Variants in BRI3BP observed in about 807,000 individuals in gnomAD.
The protein encoded by BRI3BP is BRI3-binding protein.
BRI3BP carries 7 observed loss-of-function variants against 15.8 expected under a neutral mutation model. That is an observed-to-expected ratio of 0.44 (90% CI 0.25 to 0.83). BRI3BP has a LOEUF of 0.83. Ranked by LOEUF, BRI3BP falls within the 40% of genes least tolerant of loss-of-function variation. BRI3BP has a pLI of 0.20. For synonymous variants in BRI3BP, 192 were observed against 163.5 expected (o/e 1.17, Z -1.33); for missense variants, 320 against 339.3 (o/e 0.94, Z 0.45).
intron 1 of BRI3BP, among the ~76,000 whole-genome samples, chr12:124,999,189 C>T (rs1439294447): frequency 6.6e-6 from 1 of 152,136 alleles, no homozygotes; most frequent in African/African-American, 2.4e-5. Flanking sequence ...TCCTGAATGC[C>T]AGGTCGAGAA....
intron 2 of BRI3BP, among the ~76,000 whole-genome samples, chr12:125,014,146 G>A (rs1259368374): frequency 1.3e-5 from 2 of 152,090 alleles, no homozygotes; most frequent in East Asian, 1.9e-4. Flanking sequence ...TTTCTCTACC[G>A]TGCCCCATGG....
chr12:125,016,159 C>T (rs1021244275), intron 2 of BRI3BP, among the ~76,000 whole-genome samples: 4 of 152,172 alleles, frequency 2.6e-5, no homozygotes, highest in Admixed American at 1.3e-4. Flanking sequence ...GGAGGCGAAA[C>T]GAGCTTGCTT....
In BRI3BP at chr12:124,994,009, C is replaced by T; in HGVS notation, c.213+6C>T. ...ACGTGCGCGCCGCTCAGAAGGTGGG[C>T]GCCGGGCCCGCGCCCGCGGTCACCT... is the stretch of plus-strand genomic sequence containing the variant. On this transcript the variant is annotated splice_donor_region_variant and intron_variant, in intron 1 of 2. Coordinates refer to ENST00000341446, the MANE Select transcript of BRI3BP (RefSeq NM_080626.6). 7.5e-7 allele frequency: 1 copy of T among 1,324,684 alleles called. No individual in the cohort carries two copies. The highest frequency in any genetic ancestry group is 9.8e-7 in the Non-Finnish European group (1 of 1,023,990). 82.1% of individuals were successfully genotyped at this position (1,324,684 alleles called of 1,614,324 possible). A position where few individuals can be genotyped will look rare whatever the true frequency, so the allele number is the denominator to read the frequency against.
At chr12:125,046,912 T>C in the BRI3BP span, among the ~76,000 whole-genome samples, 1 of 152,206 alleles carries the variant, frequency 6.6e-6, no homozygotes, top group Non-Finnish European at 1.5e-5. Flanking sequence ...AAATCACTGA[T>C]AGTTTTGAAA....
At chr12:124,997,218 T>C (rs1202990951) in intron 1 of BRI3BP, among the ~76,000 whole-genome samples, 3 of 107,532 alleles carry the variant, frequency 2.8e-5, no homozygotes, top group Admixed American at 9.2e-5. Context: ...ACTTCTCTTT[T>C]TTTTTTTTTT....
intron 1 of BRI3BP, among the ~76,000 whole-genome samples, chr12:124,997,260 G>GGCT (rs146276896): frequency 0.011 from 1,085 of 96,650 alleles, 16 homozygotes; most frequent in African/African-American, 0.037. Context: ...TCTTCTCCCA[G>GGCT]GCTGGAGTGC....
At chr12:125,032,392 A>G (rs1955412538), downstream of BRI3BP, among the ~76,000 whole-genome samples, 1 of 152,172 alleles carries the variant, frequency 6.6e-6, no homozygotes, top group Non-Finnish European at 1.5e-5. Context: ...CAGGAGGTGG[A>G]AGTTGCAGTG....
At chr12:125,034,551 A>G (rs2136005367), downstream of BRI3BP, among the ~76,000 whole-genome samples, 1 of 151,708 alleles carries the variant, frequency 6.6e-6, no homozygotes, top group African/African-American at 2.4e-5. Flanking sequence ...TCCCCAGGCA[A>G]CCTTTGAGCT....
At chr12:125,038,152 C>A in the BRI3BP span, among the ~76,000 whole-genome samples, 56 of 151,630 alleles carry the variant, frequency 3.7e-4, no homozygotes, top group Non-Finnish European at 5.6e-4. Flanking sequence ...TGGTGTGCGT[C>A]TGTGTTCCTA....
rs778249406 is a variant in BRI3BP at position 125,025,224 on chromosome 12, G to A, written c.550G>A (p.Ala184Thr). 3.7e-6 allele frequency: 6 copies of A among 1,614,024 alleles called. No individual in the cohort carries two copies. In the African/African-American group the frequency reaches 5.3e-5, roughly 14 times the overall value. Reference sequence around the variant, plus strand: ...CAAGTACGAGGGCGAGCCGGAGAACGCGGTGCTGCCGCTGTGCTTCGTGGT... The same window carrying A: ...CAAGTACGAGGGCGAGCCGGAGAACACGGTGCTGCCGCTGTGCTTCGTGGT... ...LHKYEGEPEN[A>T]VLPLCFVVAV... The change falls in exon 3 of 3, where the codon GCG becomes ACG. Residue 184 changes from alanine (A) to threonine (T), a missense_variant. Ala to Thr is a moderately conservative substitution (Grantham distance 58). Transcript: ENST00000341446.
At chr12:125,036,051 TTTTTG>T (rs1955437980), downstream of BRI3BP, among the ~76,000 whole-genome samples, 1 of 114,624 alleles carries the variant, frequency 8.7e-6, no homozygotes, top group South Asian at 3.5e-4. Flanking sequence ...TCTATAGTTT[TTTTTG>T]TTTTGTTTTT....
At chr12:125,010,896 C>G (rs1276504659) in intron 1 of BRI3BP, among the ~76,000 whole-genome samples, 1 of 152,016 alleles carries the variant, frequency 6.6e-6, no homozygotes, top group Non-Finnish European at 1.5e-5. Flanking sequence ...GAGTTCAAGA[C>G]CAGCCTGGCC....
intron 1 of BRI3BP, among the ~76,000 whole-genome samples, chr12:124,996,145 C>T (rs1308052193): frequency 6.6e-6 from 1 of 152,138 alleles, no homozygotes; most frequent in Admixed American, 6.6e-5. Flanking sequence ...AACTCCTGAC[C>T]TCAAGTGATC....
At chr12:125,023,835 G>T (rs1422819432) in intron 2 of BRI3BP, among the ~76,000 whole-genome samples, 1 of 152,210 alleles carries the variant, frequency 6.6e-6, no homozygotes, top group Non-Finnish European at 1.5e-5. Flanking sequence ...ACTTTGGGAG[G>T]CTGAGGAGGT....
intron 1 of BRI3BP, among the ~76,000 whole-genome samples, chr12:125,002,073 A>T (rs1955096507): frequency 6.6e-6 from 1 of 152,094 alleles, no homozygotes; most frequent in African/African-American, 2.4e-5. Flanking sequence ...TCAATACTTT[A>T]TTCCTCTTTA....
chr12:124,996,733 G>A (rs968240783), intron 1 of BRI3BP, among the ~76,000 whole-genome samples: 1 of 148,606 alleles, frequency 6.7e-6, no homozygotes, highest in Non-Finnish European at 1.5e-5. Flanking sequence ...AAGTTTAATG[G>A]TATTTAAAAA....
chr12:124,997,214 C>CTTTTTTTTTTTTTTTTTTTTTT lies in BRI3BP; in HGVS notation c.213+3230_213+3231insTTTTTTTTTTTTTTTTTTTTTT. Among the ~76,000 whole-genome samples, 235 of 51,538 alleles carry CTTTTTTTTTTTTTTTTTTTTTT rather than the reference C, an allele frequency of 4.6e-3. 67 individuals are homozygous for CTTTTTTTTTTTTTTTTTTTTTT. Among genetic ancestry groups the CTTTTTTTTTTTTTTTTTTTTTT allele is most frequent in the African/African-American group, 0.016 (155 of 9,900 alleles). The allele number at this position is 51,538 out of a possible 152,430, so 33.8% of individuals were successfully genotyped here. ...TCTCTTTTTTTTTTGCTTTACTTCT[C>CTTTTTTTTTTTTTTTTTTTTTT]TTTTTTTTTTTTTTTTTTTGAGATG... On this transcript the variant is annotated intron_variant, in intron 1 of 2. Coordinates refer to ENST00000341446, the MANE Select transcript of BRI3BP (RefSeq NM_080626.6).
At chr12:125,003,957 AC>A (rs1241352919) in intron 1 of BRI3BP, among the ~76,000 whole-genome samples, 123 of 5,192 alleles carry the variant, frequency 0.024, no homozygotes, top group East Asian at 0.12. Context: ...CATCTCAAAA[AC>A]ACACACACAC....
chr12:125,043,771 G>C, the BRI3BP span, among the ~76,000 whole-genome samples: 1 of 152,154 alleles, frequency 6.6e-6, no homozygotes, highest in South Asian at 2.1e-4. Context: ...CAGGAGAATT[G>C]CTGGAACCCA....
Sources: gnomAD v4.1 joint callset for allele counts (sites outside exome capture counted in the v4.1 genomes callset) on GRCh38, gnomAD v4.1.1 for gene constraint, MANE v1.5 for transcripts, NCBI Gene and HGNC (gene_info 2026-07-23, HGNC 2026-07-21) for gene names.